The following RETREG1 variants were observed in gnomAD, a reference collection of about 807,000 sequenced individuals.
The protein encoded by RETREG1 is family with sequence similarity 134 member B.
Under a neutral mutation model 54.8 loss-of-function variants are expected in RETREG1, and 44 were observed. That is an observed-to-expected ratio of 0.80 (90% CI 0.63 to 1.03). RETREG1 has a LOEUF of 1.03. Among genes scored for constraint, RETREG1 ranks in the 50% least tolerant of loss-of-function variants. The pLI, the probability that RETREG1 is intolerant of heterozygous loss-of-function variation, is 0.00. For synonymous variants in RETREG1, 217 were observed against 238.5 expected (o/e 0.91, Z 0.83); for missense variants, 554 against 605.1 (o/e 0.92, Z 0.89).
Position 16,477,569 on chromosome 5 carries a change from G to A in RETREG1, c.1000+93C>T, listed in dbSNP as rs1738587795. 11 of 1,194,318 alleles carry A rather than the reference G, an allele frequency of 9.2e-6. No individual in the cohort carries two copies. In the South Asian group the frequency reaches 1.4e-4, roughly 15 times the overall value. 74.0% of individuals were successfully genotyped at this position (1,194,318 alleles called of 1,614,324 possible). A position where few individuals can be genotyped will look rare whatever the true frequency, so the allele number is the denominator to read the frequency against. ...AATATTCTACTGTGTAGATATGGTG[G>A]TAACATGTTATTTACCCATTCAGTA... On this transcript the variant is annotated intron_variant, in intron 8 of 8. Coordinates refer to ENST00000306320, the MANE Select transcript of RETREG1 (RefSeq NM_001034850.3).
intron 3 of RETREG1, chr5:16,509,521 G>A (rs528062236): frequency 2.6e-5 from 4 of 152,246 alleles, no homozygotes; most frequent in African/African-American, 9.6e-5. Flanking sequence ...TTTTTTAAAA[G>A]AGTACGACAA....
chr5:16,552,703 C>T (rs962585486), intron 3 of RETREG1, among the ~76,000 whole-genome samples: 1 of 152,188 alleles, frequency 6.6e-6, no homozygotes, highest in African/African-American at 2.4e-5. Context: ...CCCCCTACTA[C>T]TCTAAAACAT....
In RETREG1 at chr5:16,616,752, C is replaced by A. The variant is rs1743524739; in HGVS notation, c.220G>T (p.Glu74Ter). Residue 74 changes from glutamate to a stop codon, truncating the protein, a stop_gained, in exon 1 of 9, where the codon GAG becomes TAG. Transcript: ENST00000306320. LOFTEE classifies it high-confidence loss of function. ...AAAAVTWLLG[E>*]PVLWLGCRAD... ...CGGCAGCCCAGCCACAGCACCGGCT[C>A]CCCGAGCAGCCAGGTTACCGCGGCC... 1 of 1,567,498 alleles carries A rather than the reference C, an allele frequency of 6.4e-7. No homozygotes were observed. Among genetic ancestry groups the A allele is most frequent in the Non-Finnish European group, 8.6e-7 (1 of 1,164,488 alleles).
At position 16,616,856 on chromosome 5, in the gene RETREG1, T is replaced by G; in HGVS notation, c.116A>C (p.Gln39Pro). The change falls in exon 1 of 9, where the codon CAG becomes CCG. Residue 39 changes from glutamine to proline, a missense_variant. By Grantham distance (76) the Gln-to-Pro change is moderately conservative (BLOSUM62 -1). Around this residue, in one of 4 missense-constraint regions of RETREG1, gnomAD observed 175 missense variants for 142.1 expected, o/e 1.23. Transcript: ENST00000306320. ...PPQASPAERQ[Q>P]QEEEAQEAGA... ...AGCTTCCTGCGCTTCCTCCTCCTGC[T>G]GCTGCCGCTCTGCGGGGGATGCCTG... The G allele has an allele frequency of 6.6e-7, 1 of 1,509,772 alleles. No individual in the cohort carries two copies. The highest frequency in any genetic ancestry group is 1.4e-5 in the African/African-American group (1 of 69,362). 93.5% of individuals were successfully genotyped at this position (1,509,772 alleles called of 1,614,324 possible). A position where few individuals can be genotyped will look rare whatever the true frequency, so the allele number is the denominator to read the frequency against.
Position 16,474,984 on chromosome 5 carries a change from G to A in RETREG1, c.1251C>T (p.Ile417=). Residue 417 remains isoleucine (I), a synonymous_variant, in exon 9 of 9, where the codon ATC becomes ATT. Transcript: ENST00000306320. ...TGATAGCTGCAGTCACTGCAGCTGT[G>A]ATAACATCCCCAGCCAGGTTGCTCA... ...HLMSNLAGDV[I]TAAVTAAIKD... is the part of the protein sequence containing the mutation. 3 of 1,613,446 alleles carry A rather than the reference G, an allele frequency of 1.9e-6. No individual in the cohort carries two copies. Among genetic ancestry groups the A allele is most frequent in the Non-Finnish European group, 2.5e-6 (3 of 1,179,536 alleles).
chr5:16,565,886 T>C (rs1272994677), intron 2 of RETREG1, 93 bp from the exon 3 acceptor site: 1 of 1,345,404 alleles, frequency 7.4e-7, no homozygotes. Context: ...CTATTTAAAG[T>C]GGAATGCTCA....
chr5:16,571,990 T>G lies in RETREG1; in HGVS notation c.427+6A>C. ...TACCATATAAATAAAATCTGAGTAT[T>G]CTTACCTCTTGTTCTAGACAAAACC... is the stretch of plus-strand genomic sequence containing the variant. On this transcript the variant is annotated splice_donor_region_variant and intron_variant, in intron 2 of 8. Transcript: ENST00000306320. 1 of 1,593,022 alleles carries G rather than the reference T, an allele frequency of 6.3e-7. No individual in the cohort carries two copies. The highest frequency in any genetic ancestry group is 8.6e-7 in the Non-Finnish European group (1 of 1,160,918).
In RETREG1 at chr5:16,560,550, C is replaced by T. The variant is rs148486899; in HGVS notation, c.458+5213G>A. Among the ~76,000 whole-genome samples the T allele has an allele frequency of 4.5e-3, 680 of 152,302 alleles. 5 individuals are homozygous for T. The highest frequency in any genetic ancestry group is 0.016 in the African/African-American group (650 of 41,564). Reference sequence around the variant, plus strand: ...AATGAAGAAGGAGGAAAAATTAAGCCTTTCTGACTAACCTGAGAATCTCAG... The same window carrying T: ...AATGAAGAAGGAGGAAAAATTAAGCTTTTCTGACTAACCTGAGAATCTCAG... On this transcript the variant is annotated intron_variant, in intron 3 of 8. Coordinates refer to ENST00000306320, the MANE Select transcript of RETREG1 (RefSeq NM_001034850.3).
chr5:16,514,751 T>C (rs2126572158), intron 3 of RETREG1, among the ~76,000 whole-genome samples: 1 of 151,988 alleles, frequency 6.6e-6, no homozygotes, highest in South Asian at 2.1e-4. Flanking sequence ...CCTCATAGCT[T>C]AGCTCCCACT....
In RETREG1 at chr5:16,567,427, C is replaced by T. The variant is rs150775812; in HGVS notation, c.428-1634G>A. Reference sequence around the variant, plus strand: ...GCTATCAGAGTACAAGTTGGAATGACAGAGAATGGTGAGTGCACGAAGGAC... The same window carrying T: ...GCTATCAGAGTACAAGTTGGAATGATAGAGAATGGTGAGTGCACGAAGGAC... On this transcript the variant is annotated intron_variant, in intron 2 of 8. Coordinates refer to ENST00000306320, the MANE Select transcript of RETREG1 (RefSeq NM_001034850.3). Among the ~76,000 whole-genome samples the T allele has an allele frequency of 1.6e-3, 241 of 152,308 alleles. 1 individual carries two copies. Among genetic ancestry groups the T allele is most frequent in the Non-Finnish European group, 2.4e-3 (165 of 68,034 alleles).
chr5:16,517,864 G>C (rs1048010175), intron 3 of RETREG1, among the ~76,000 whole-genome samples: 1 of 151,952 alleles, frequency 6.6e-6, no homozygotes, highest in African/African-American at 2.4e-5. Flanking sequence ...AGCATTCTTT[G>C]CAACAGCCAA....
intron 1 of RETREG1, among the ~76,000 whole-genome samples, chr5:16,606,219 G>A (rs145455687): frequency 3.5e-4 from 53 of 152,266 alleles, no homozygotes; most frequent in African/African-American, 1.2e-3. Flanking sequence ...GCAATTGCAA[G>A]TCAAGTACTG....
rs746564796 is a variant in RETREG1 at position 16,527,840 on chromosome 5, C to G, written c.458+37923G>C. On this transcript the variant is annotated intron_variant, in intron 3 of 8. Coordinates refer to ENST00000306320, the MANE Select transcript of RETREG1 (RefSeq NM_001034850.3). ...TTTTTTTTTTTTTGAGATGCAGTCT[C>G]GCTCCGTCGCCCAGATTGGACTGCA... Among the ~76,000 whole-genome samples the G allele has an allele frequency of 5.8e-4, 43 of 74,364 alleles. 1 individual carries two copies. The highest frequency in any genetic ancestry group is 2.0e-3 in the African/African-American group (42 of 21,522). The allele number at this position is 74,364 out of a possible 152,430, so 48.8% of individuals were successfully genotyped here.
intron 1 of RETREG1, among the ~76,000 whole-genome samples, chr5:16,601,294 G>A (rs1743045707): frequency 1.0e-5 from 1 of 96,774 alleles, no homozygotes. Flanking sequence ...CTTAAGCTAT[G>A]ATCTCACTGC....
chr5:16,519,572 G>A (rs1740465136), intron 3 of RETREG1, among the ~76,000 whole-genome samples: 1 of 152,162 alleles, frequency 6.6e-6, no homozygotes, highest in Non-Finnish European at 1.5e-5. Context: ...AGTACATGGA[G>A]TGTTTTCCTC....
chr5:16,555,336 G>T (rs1741676434), intron 3 of RETREG1, among the ~76,000 whole-genome samples: 1 of 152,076 alleles, frequency 6.6e-6, no homozygotes, highest in African/African-American at 2.4e-5. Flanking sequence ...TATTTTAGTA[G>T]AGACGGGGTT....
intron 3 of RETREG1, among the ~76,000 whole-genome samples, chr5:16,503,529 C>T (rs995667844): frequency 4.6e-5 from 7 of 151,668 alleles, no homozygotes; most frequent in South Asian, 2.1e-4. Context: ...ATTAGCTGGG[C>T]GTGGTGGCAG....
At chr5:16,517,994 T>C (rs1740412531) in intron 3 of RETREG1, among the ~76,000 whole-genome samples, 1 of 151,358 alleles carries the variant, frequency 6.6e-6, no homozygotes, top group Non-Finnish European at 1.5e-5. Flanking sequence ...ATATAGTTAG[T>C]AAAAGAGAGA....
intron 1 of RETREG1, among the ~76,000 whole-genome samples, chr5:16,592,702 G>T (rs960319804): frequency 2.1e-5 from 3 of 142,678 alleles, no homozygotes; most frequent in Non-Finnish European, 3.2e-5. Flanking sequence ...TACGCCCTAG[G>T]ATACTATGCA....
Sources: allele counts gnomAD v4.1 joint callset (sites outside exome capture counted in the v4.1 genomes callset), GRCh38; gene constraint gnomAD v4.1.1; regional missense constraint gnomAD v4.1.1; transcripts MANE v1.5; gene names NCBI Gene and HGNC (gene_info 2026-07-23, HGNC 2026-07-21).